The following GALNTL6 variants were observed in gnomAD, a reference collection of about 807,000 sequenced individuals.
GALNTL6 encodes the protein polypeptide N-acetylgalactosaminyltransferase like 6, also known as polypeptide N-acetylgalactosaminyltransferase-like 6.
In GALNTL6, 46 loss-of-function variants were observed where a neutral mutation model predicts 73.7. The ratio of observed to expected loss-of-function variants is 0.62; its 90% CI spans 0.49 to 0.80. The LOEUF (loss-of-function observed/expected upper bound fraction) is 0.80. GALNTL6 is among the 30% of genes least tolerant of loss of function. The probability of loss-of-function intolerance (pLI) is 0.00; values close to 1 mark genes in which losing one functional copy is unlikely to be tolerated. For synonymous variants in GALNTL6, 259 were observed against 263.7 expected, an observed-to-expected ratio of 0.98 and a Z score of 0.17; for missense variants, 604 against 755.0, an observed-to-expected ratio of 0.80 and a Z score of 2.34.
At chr4:172,632,608 A>T (rs985632843) in intron 5 of GALNTL6, among the ~76,000 whole-genome samples, 1 of 145,098 alleles carries the variant, frequency 6.9e-6, no homozygotes, top group African/African-American at 2.5e-5. Context: ...ACTATGCAAT[A>T]AAAAAAAAAA....
chr4:172,548,206 G>A (rs1211094401), intron 5 of GALNTL6, among the ~76,000 whole-genome samples: 2 of 152,154 alleles, frequency 1.3e-5, no homozygotes, highest in Non-Finnish European at 2.9e-5. Flanking sequence ...CCACCTGATA[G>A]CTTTCCTGGA....
At chr4:172,367,311 T>A (rs1742602320) in intron 5 of GALNTL6, among the ~76,000 whole-genome samples, 1 of 152,200 alleles carries the variant, frequency 6.6e-6, no homozygotes, top group Admixed American at 6.5e-5. Flanking sequence ...GTGGAAGCAG[T>A]TTCATTTCCA....
At chr4:171,880,636 GAGTC>G (rs1283878922) in intron 2 of GALNTL6, among the ~76,000 whole-genome samples, 3 of 152,108 alleles carry the variant, frequency 2.0e-5, no homozygotes, top group African/African-American at 7.2e-5. Flanking sequence ...GGTGGGAAGA[GAGTC>G]AGACGAAAGT....
At chr4:172,286,548 G>C (rs1739261098) in intron 3 of GALNTL6, among the ~76,000 whole-genome samples, 1 of 152,204 alleles carries the variant, frequency 6.6e-6, no homozygotes, top group African/African-American at 2.4e-5. Flanking sequence ...AAGCCTTATA[G>C]ATCAAGTTAA....
intron 2 of GALNTL6, among the ~76,000 whole-genome samples, chr4:171,919,891 G>A (rs147523203): frequency 0.016 from 2,489 of 152,110 alleles, 31 homozygotes; most frequent in Non-Finnish European, 0.022. Flanking sequence ...ATTTGACCCA[G>A]CAATCCCATT....
intron 2 of GALNTL6, among the ~76,000 whole-genome samples, chr4:172,101,255 C>A (rs1484566241): frequency 6.6e-6 from 1 of 152,142 alleles, no homozygotes; most frequent in Non-Finnish European, 1.5e-5. Context: ...AGGAATCCTG[C>A]CTGGGTACTT....
At chr4:172,767,770 A>G (rs1002865143) in intron 5 of GALNTL6, among the ~76,000 whole-genome samples, 1 of 149,334 alleles carries the variant, frequency 6.7e-6, no homozygotes, top group African/African-American at 2.5e-5. Flanking sequence ...CCCAGGTTCA[A>G]TTAATTCTCC....
intron 2 of GALNTL6, among the ~76,000 whole-genome samples, chr4:171,859,759 T>G (rs1283859255): frequency 6.6e-6 from 1 of 152,172 alleles, no homozygotes; most frequent in Non-Finnish European, 1.5e-5. Flanking sequence ...GGTTTATGTT[T>G]GAGGTCAGAT....
At chr4:172,273,676 T>C (rs1276374298) in intron 3 of GALNTL6, among the ~76,000 whole-genome samples, 1 of 152,008 alleles carries the variant, frequency 6.6e-6, no homozygotes, top group African/African-American at 2.4e-5. Context: ...AGTAAATCAA[T>C]TATAAGGAAA....
intron 7 of GALNTL6, among the ~76,000 whole-genome samples, chr4:172,837,490 T>C (rs910866302): frequency 1.3e-5 from 2 of 152,116 alleles, no homozygotes; most frequent in African/African-American, 4.8e-5. Flanking sequence ...AGTCTATAAA[T>C]AGAAACTAAA....
chr4:172,639,618 A>G (rs1341903787), intron 5 of GALNTL6, among the ~76,000 whole-genome samples: 5 of 151,212 alleles, frequency 3.3e-5, no homozygotes, highest in African/African-American at 1.2e-4. Context: ...TTACTTTACA[A>G]CTCTTCACAC....
At chr4:172,234,089 T>C (rs894295925) in intron 3 of GALNTL6, among the ~76,000 whole-genome samples, 2 of 152,072 alleles carry the variant, frequency 1.3e-5, no homozygotes, top group Non-Finnish European at 2.9e-5. Flanking sequence ...CTCTTAACAC[T>C]GATATGAATT....
intron 2 of GALNTL6, among the ~76,000 whole-genome samples, chr4:171,834,017 T>C (rs530438114): frequency 4.0e-5 from 6 of 151,776 alleles, no homozygotes; most frequent in African/African-American, 7.2e-5. Context: ...GACTTCTTTC[T>C]TTGAAAAATA....
intron 7 of GALNTL6, among the ~76,000 whole-genome samples, chr4:172,828,980 T>C (rs190692365): frequency 1.3e-5 from 2 of 152,296 alleles, no homozygotes; most frequent in Admixed American, 1.3e-4. Context: ...ATGCTCCCTC[T>C]GAAACACTGG....
chr4:172,714,168 A>G (rs1220735137), intron 5 of GALNTL6, among the ~76,000 whole-genome samples: 2 of 152,206 alleles, frequency 1.3e-5, no homozygotes, highest in African/African-American at 4.8e-5. Flanking sequence ...TCTAAACTAT[A>G]AGTTCCTCAC....
chr4:172,053,786 A>C (rs903609601), intron 2 of GALNTL6, among the ~76,000 whole-genome samples: 4 of 152,276 alleles, frequency 2.6e-5, no homozygotes, highest in African/African-American at 7.2e-5. Flanking sequence ...ACCTGAGTGT[A>C]GGTGAACATG....
At chr4:172,198,080 C>T (rs1373916126) in intron 2 of GALNTL6, among the ~76,000 whole-genome samples, 1 of 152,042 alleles carries the variant, frequency 6.6e-6, no homozygotes, top group African/African-American at 2.4e-5. Flanking sequence ...CACTGCACTC[C>T]AGCCTGAGCA....
intron 7 of GALNTL6, among the ~76,000 whole-genome samples, chr4:172,841,230 GTAA>G (rs968328152): frequency 1.3e-5 from 2 of 152,156 alleles, no homozygotes; most frequent in Non-Finnish European, 2.9e-5. Context: ...ATTGATAATG[GTAA>G]TGATAATAAT....
chr4:172,403,828 T>C (rs1274427715), intron 5 of GALNTL6, among the ~76,000 whole-genome samples: 1 of 151,980 alleles, frequency 6.6e-6, no homozygotes, highest in Non-Finnish European at 1.5e-5. Flanking sequence ...CTTCTTTTGT[T>C]AGTTCATTTC....
Sources: allele counts gnomAD v4.1 joint callset (sites outside exome capture counted in the v4.1 genomes callset), GRCh38; gene constraint gnomAD v4.1.1; transcripts MANE v1.5; gene names NCBI Gene and HGNC (gene_info 2026-07-23, HGNC 2026-07-21).